Variants in UTRN observed in about 807,000 individuals in gnomAD.
The protein encoded by UTRN is dystrophin-related protein 1.
UTRN carries 283 observed loss-of-function variants against 463.9 expected under a neutral mutation model. The ratio of observed to expected loss-of-function variants is 0.61; its 90% confidence interval spans 0.55 to 0.67. The LOEUF (loss-of-function observed/expected upper bound fraction) is 0.67. Ranked by LOEUF, UTRN falls within the 30% of genes least tolerant of loss-of-function variation. The probability of loss-of-function intolerance (pLI) is 0.00; values close to 1 mark genes in which losing one functional copy is unlikely to be tolerated. For missense variants in UTRN, 3,922 were observed against 4,084.3 expected (o/e 0.96, Z 1.08); for synonymous variants, 1,442 against 1,431.5 (o/e 1.01, Z -0.17).
intron 61 of UTRN, among the ~76,000 whole-genome samples, chr6:144,786,308 A>T (rs1243831180): frequency 6.6e-6 from 1 of 152,090 alleles, no homozygotes; most frequent in African/African-American, 2.4e-5. Context: ...TTTGTTTGAG[A>T]CAGAGTCTCA....
At chr6:144,484,592 G>A (rs1280956467) in intron 27 of UTRN, among the ~76,000 whole-genome samples, 1 of 151,462 alleles carries the variant, frequency 6.6e-6, no homozygotes, top group Non-Finnish European at 1.5e-5. Flanking sequence ...ACAGGTGCCT[G>A]CCACCATGCC....
intron 58 of UTRN, among the ~76,000 whole-genome samples, chr6:144,760,410 TC>T (rs1406469234): frequency 6.6e-6 from 1 of 152,168 alleles, no homozygotes; most frequent in African/African-American, 2.4e-5. Flanking sequence ...CAGTAAAAGA[TC>T]AGATTGTTTA....
chr6:144,289,750 G>A (rs1369973622), intron 1 of UTRN, among the ~76,000 whole-genome samples: 1 of 152,158 alleles, frequency 6.6e-6, no homozygotes, highest in Non-Finnish European at 1.5e-5. Context: ...CTGGATTCAA[G>A]TGATTCTCCT....
At chr6:144,454,666 C>A (rs988183653) in intron 19 of UTRN, among the ~76,000 whole-genome samples, 1 of 152,112 alleles carries the variant, frequency 6.6e-6, no homozygotes, top group African/African-American at 2.4e-5. Context: ...GAAAATATAA[C>A]TGTATAAAAG....
chr6:144,286,312 C>A lies in UTRN; in HGVS notation c.-93+491C>A, dbSNP rs1182919174. Among the ~76,000 whole-genome samples the A allele has an allele frequency of 1.3e-5, 2 of 152,094 alleles. No homozygotes were observed. Among genetic ancestry groups the A allele is most frequent in the Non-Finnish European group, 2.9e-5 (2 of 67,990 alleles). ...GGCGGTGTCCACAGGAGAGGGTGGG[C>A]AGAGGGTGGCTGTGTGGTCGGCGGC... On this transcript the variant is annotated intron_variant, in intron 1 of 74. Coordinates refer to ENST00000367545, the MANE Select transcript of UTRN (RefSeq NM_007124.3). The surrounding 1 kb of genome is among the most constrained non-coding windows in gnomAD (Gnocchi z 4.4).
chr6:144,526,152 A>G (rs1796552991), intron 41 of UTRN, among the ~76,000 whole-genome samples: 1 of 152,226 alleles, frequency 6.6e-6, no homozygotes, highest in Non-Finnish European at 1.5e-5. Context: ...TAGAATATAT[A>G]TTCTGCAGTT....
intron 51 of UTRN, among the ~76,000 whole-genome samples, chr6:144,657,523 T>C (rs1382494048): frequency 6.6e-6 from 1 of 152,198 alleles, no homozygotes; most frequent in Non-Finnish European, 1.5e-5. Flanking sequence ...TCCCATGCTC[T>C]TATCTTTTGG....
At chr6:144,602,959 A>C (rs2128637523) in intron 51 of UTRN, among the ~76,000 whole-genome samples, 1 of 152,146 alleles carries the variant, frequency 6.6e-6, no homozygotes, top group South Asian at 2.1e-4. Flanking sequence ...AAATTGTGTG[A>C]CTCATTTGCT....
Position 144,604,946 on chromosome 6 carries a change from CA to C in UTRN, c.7479+27667del, listed in dbSNP as rs35056128. On this transcript the variant is annotated intron_variant, in intron 51 of 74. Transcript: ENST00000367545. The stretch of plus-strand genomic sequence containing the variant: ...AAATAAATAAATGAAAAATAAACGA[CA>C]AAAAAAAATCACTAAAGTTTGCAAA... Among the ~76,000 whole-genome samples, 1,055 of 150,980 alleles carry C rather than the reference CA, an allele frequency of 7.0e-3. 12 individuals are homozygous for C. The highest frequency in any genetic ancestry group is 0.023 in the African/African-American group (951 of 41,194).
chr6:144,520,141 G>A (rs952094256), intron 39 of UTRN, among the ~76,000 whole-genome samples: 5 of 152,034 alleles, frequency 3.3e-5, no homozygotes, highest in African/African-American at 1.2e-4. Context: ...AGGAAAACGG[G>A]TCCCACTTTC....
chr6:144,642,890 T>A (rs977779429), intron 51 of UTRN, among the ~76,000 whole-genome samples: 5 of 152,194 alleles, frequency 3.3e-5, no homozygotes, highest in Admixed American at 2.6e-4. Flanking sequence ...CAGAGAAATT[T>A]TGACCATGAG....
At chr6:144,770,921 C>T (rs1368863666) in intron 58 of UTRN, among the ~76,000 whole-genome samples, 4 of 152,042 alleles carry the variant, frequency 2.6e-5, no homozygotes, top group African/African-American at 7.2e-5. Flanking sequence ...GAGGAAAGTT[C>T]GACTCAAGGT....
At chr6:144,496,661 C>G (rs1157724186) in intron 33 of UTRN, among the ~76,000 whole-genome samples, 1 of 152,048 alleles carries the variant, frequency 6.6e-6, no homozygotes, top group Non-Finnish European at 1.5e-5. Flanking sequence ...ATCTCGTTGT[C>G]TAATGGAACT....
chr6:144,839,410 TG>T, intron 72 of UTRN, 126 bp downstream of exon 72: 2 of 653,134 alleles, frequency 3.1e-6, no homozygotes, highest in Non-Finnish European at 2.5e-6. Context: ...TTTTTGTATT[TG>T]GTCTTAAATA....
chr6:144,602,125 A>AT (rs998428731), intron 51 of UTRN, among the ~76,000 whole-genome samples: 147 of 149,484 alleles, frequency 9.8e-4, no homozygotes, highest in Middle Eastern at 6.9e-3. Flanking sequence ...TTCCTACAGC[A>AT]TTTTTTTTTT....
chr6:144,817,760 A>G (rs1779212072), intron 65 of UTRN, among the ~76,000 whole-genome samples: 1 of 152,166 alleles, frequency 6.6e-6, no homozygotes, highest in African/African-American at 2.4e-5. Context: ...TTTTCTTTTA[A>G]TATTGCATAA....
At position 144,520,560 on chromosome 6, in the gene UTRN, C is replaced by T. The variant is rs528929921; in HGVS notation, c.5542-1420C>T. Among the ~76,000 whole-genome samples, 67 of 152,250 alleles carry T rather than the reference C, an allele frequency of 4.4e-4. No homozygotes were observed. In the South Asian group the frequency reaches 0.013, roughly 31 times the overall value. On this transcript the variant is annotated intron_variant, in intron 39 of 74. Transcript: ENST00000367545. The stretch of plus-strand genomic sequence containing the variant: ...TTGTTAAAGTCAAGAAATGTATAGA[C>T]CTGCTTCTAACCTGGCTATCCAGAA...
intron 9 of UTRN, among the ~76,000 whole-genome samples, chr6:144,431,652 A>T (rs917615341): frequency 1.3e-5 from 2 of 152,156 alleles, no homozygotes; most frequent in Admixed American, 1.3e-4. Context: ...TCTCGACCTC[A>T]TGGATGCTGG....
At chr6:144,670,850 A>C (rs1780937840) in intron 51 of UTRN, among the ~76,000 whole-genome samples, 1 of 152,146 alleles carries the variant, frequency 6.6e-6, no homozygotes, top group South Asian at 2.1e-4. Context: ...ATTCTTCTAC[A>C]TGTGGCTTAC....
Sources: allele counts gnomAD v4.1 joint callset (sites outside exome capture counted in the v4.1 genomes callset), GRCh38; gene constraint gnomAD v4.1.1; non-coding constraint Gnocchi (gnomAD v3.1); transcripts MANE v1.5; gene names NCBI Gene and HGNC (gene_info 2026-07-23, HGNC 2026-07-21).